Variants in ROBO2 observed in about 807,000 individuals in gnomAD.
ROBO2 encodes the protein roundabout guidance receptor 2.
Under a neutral mutation model 160.8 loss-of-function variants are expected in ROBO2, and 53 were observed. That is an observed-to-expected ratio of 0.33 (90% CI 0.26 to 0.41). ROBO2 has a LOEUF of 0.41. Among genes scored for constraint, ROBO2 ranks in the 10% least tolerant of loss-of-function variants. The pLI, the probability that ROBO2 is intolerant of heterozygous loss-of-function variation, is 1.00. For missense variants in ROBO2, 1,577 were observed against 1,722.4 expected (o/e 0.92, Z 1.49); for synonymous variants, 664 against 611.7 (o/e 1.09, Z -1.26).
At chr3:76,389,161 T>G (rs578242483) in intron 2 of ROBO2, among the ~76,000 whole-genome samples, 45 of 152,346 alleles carry the variant, frequency 3.0e-4, no homozygotes, top group Admixed American at 1.5e-3. Flanking sequence ...TGCAGGTCAG[T>G]GCATAATATG....
At chr3:77,575,544 A>C (rs909421043) in intron 14 of ROBO2, among the ~76,000 whole-genome samples, 1 of 152,078 alleles carries the variant, frequency 6.6e-6, no homozygotes, top group Non-Finnish European at 1.5e-5. Flanking sequence ...AGAGCTCTTA[A>C]ATTATACATT....
At chr3:76,748,368 AC>A (rs1283296927) in intron 2 of ROBO2, among the ~76,000 whole-genome samples, 1 of 151,724 alleles carries the variant, frequency 6.6e-6, no homozygotes, top group Non-Finnish European at 1.5e-5. Flanking sequence ...TACATTTATT[AC>A]CAAGCCTAAA....
chr3:76,232,428 T>C (rs777960564), intron 2 of ROBO2, among the ~76,000 whole-genome samples: 4 of 152,192 alleles, frequency 2.6e-5, no homozygotes, highest in Non-Finnish European at 5.9e-5. Flanking sequence ...CAACAACGTA[T>C]TTGAACCTGT....
chr3:75,908,996 CTT>C (rs1281153388), intron 1 of ROBO2, among the ~76,000 whole-genome samples: 6 of 152,200 alleles, frequency 3.9e-5, no homozygotes, highest in Non-Finnish European at 8.8e-5. Context: ...AGTGAATAGT[CTT>C]TCAGATTCCG....
intron 2 of ROBO2, among the ~76,000 whole-genome samples, chr3:76,737,599 A>AT (rs1173927688): frequency 6.6e-6 from 1 of 152,094 alleles, no homozygotes; most frequent in Non-Finnish European, 1.5e-5. Flanking sequence ...TCCAAGCTCT[A>AT]TTTTTCCTTA....
rs370410345 is a variant in ROBO2, at chr3:76,163,640, G to A, written c.109+226038G>A. Among the ~76,000 whole-genome samples the A allele has an allele frequency of 1.5e-3, 225 of 151,414 alleles. 1 individual carries two copies. The highest frequency in any genetic ancestry group is 4.6e-3 in the African/African-American group (189 of 41,350). On this transcript the variant is annotated intron_variant, in intron 2 of 26. Coordinates refer to the ROBO2 transcript ENST00000487694. ...AATAAAGTGAATATTGCAATAAAGC[G>A]AATCACAAGAAATTATTGTTTTTTT...
intron 2 of ROBO2, among the ~76,000 whole-genome samples, chr3:76,311,745 G>T (rs1329685060): frequency 6.6e-6 from 1 of 152,064 alleles, no homozygotes; most frequent in African/African-American, 2.4e-5. Flanking sequence ...AAAAGAAATG[G>T]GTTCTGAATA....
At chr3:77,212,665 G>T (rs557678831) in intron 2 of ROBO2, among the ~76,000 whole-genome samples, 1 of 152,222 alleles carries the variant, frequency 6.6e-6, no homozygotes, top group East Asian at 1.9e-4. Context: ...TTTTCAAAGG[G>T]AATGCTTCCA....
intron 2 of ROBO2, among the ~76,000 whole-genome samples, chr3:76,195,737 TC>T (rs1702230380): frequency 6.6e-6 from 1 of 152,192 alleles, no homozygotes; most frequent in Non-Finnish European, 1.5e-5. Flanking sequence ...TGAACTCAGA[TC>T]TCTCTGCCTA....
At chr3:77,277,165 T>TTTCTTTCTTTC (rs1560407944) in intron 2 of ROBO2, among the ~76,000 whole-genome samples, 2 of 64,084 alleles carry the variant, frequency 3.1e-5, no homozygotes, top group African/African-American at 1.3e-4. Flanking sequence ...TCCTTCTTTC[T>TTTCTTTCTTTC]TTCTTTCTTT....
chr3:77,599,855 A>G (rs995634599), intron 19 of ROBO2, among the ~76,000 whole-genome samples: 56 of 152,182 alleles, frequency 3.7e-4, no homozygotes, highest in African/African-American at 1.3e-3. Flanking sequence ...GTGAGCAACT[A>G]TGAAAATGCA....
chr3:76,050,807 G>C (rs375193894), intron 2 of ROBO2, among the ~76,000 whole-genome samples: 1 of 152,274 alleles, frequency 6.6e-6, no homozygotes, highest in East Asian at 1.9e-4. Context: ...CAGGTGAAAG[G>C]GAATTCACAG....
At chr3:76,440,912 G>T (rs2109114706) in intron 2 of ROBO2, among the ~76,000 whole-genome samples, 1 of 150,464 alleles carries the variant, frequency 6.6e-6, no homozygotes, top group Non-Finnish European at 1.5e-5. Flanking sequence ...GTGGCATGTG[G>T]CAATGTTTCT....
chr3:76,880,427 G>A (rs925467168), intron 2 of ROBO2, among the ~76,000 whole-genome samples: 2 of 152,082 alleles, frequency 1.3e-5, no homozygotes, highest in African/African-American at 4.8e-5. Context: ...TCAGTGTGTA[G>A]GCAAAAGTAT....
chr3:75,917,388 T>C (rs1381109408), intron 1 of ROBO2, among the ~76,000 whole-genome samples: 1 of 152,220 alleles, frequency 6.6e-6, no homozygotes, highest in Non-Finnish European at 1.5e-5. Context: ...TATGGCTGCA[T>C]AGTATTCCAT....
At chr3:76,922,674 T>A (rs1173912468) in intron 2 of ROBO2, among the ~76,000 whole-genome samples, 1 of 152,164 alleles carries the variant, frequency 6.6e-6, no homozygotes, top group East Asian at 1.9e-4. Context: ...ATTATCCACT[T>A]GTCTCGGCAT....
intron 5 of ROBO2, among the ~76,000 whole-genome samples, chr3:77,501,730 A>T (rs2087646516): frequency 6.6e-6 from 1 of 152,200 alleles, no homozygotes; most frequent in Non-Finnish European, 1.5e-5. Flanking sequence ...GAAACCAGAA[A>T]ATTGAAATAG....
intron 2 of ROBO2, among the ~76,000 whole-genome samples, chr3:77,346,413 C>T (rs545963833): frequency 1.3e-5 from 2 of 152,250 alleles, no homozygotes; most frequent in Admixed American, 6.5e-5. Flanking sequence ...TCATTCTACT[C>T]TTACAACTAT....
intron 2 of ROBO2, among the ~76,000 whole-genome samples, chr3:76,424,792 T>C (rs2076143721): frequency 6.6e-6 from 1 of 152,160 alleles, no homozygotes; most frequent in Non-Finnish European, 1.5e-5. Flanking sequence ...CATCAAGTTG[T>C]ATCATTAAAC....
Sources: gnomAD v4.1 joint callset for allele counts (sites outside exome capture counted in the v4.1 genomes callset) on GRCh38, gnomAD v4.1.1 for gene constraint, MANE v1.5 for transcripts, NCBI Gene and HGNC (gene_info 2026-07-23, HGNC 2026-07-21) for gene names.